Variants in HHAT observed in about 807,000 individuals in gnomAD.
HHAT encodes the protein hedgehog acyltransferase, also known as protein-cysteine N-palmitoyltransferase HHAT.
In HHAT, 47 loss-of-function variants were observed where a neutral mutation model predicts 70.8. The ratio of observed to expected loss-of-function variants is 0.66; its 90% confidence interval spans 0.53 to 0.85. The LOEUF is 0.85. HHAT is among the 40% of genes least tolerant of loss of function. The pLI, the probability that HHAT is intolerant of heterozygous loss-of-function variation, is 0.00. For missense variants in HHAT, 609 were observed against 604.8 expected, an observed-to-expected ratio of 1.01 and a Z score of -0.07; for synonymous variants, 228 against 247.6, an observed-to-expected ratio of 0.92 and a Z score of 0.74.
chr1:210,631,525 A>G (rs1034297672), intron 11 of HHAT, among the ~76,000 whole-genome samples: 1 of 152,246 alleles, frequency 6.6e-6, no homozygotes, highest in Non-Finnish European at 1.5e-5. Context: ...CTGACATTGC[A>G]TTAGATTGCT....
At chr1:210,606,277 A>G (rs1246558764) in intron 10 of HHAT, among the ~76,000 whole-genome samples, 1 of 152,066 alleles carries the variant, frequency 6.6e-6, no homozygotes, top group East Asian at 1.9e-4. Context: ...TTGTTAATTC[A>G]GCACTCAGCA....
chr1:210,351,976 C>G (rs2087069828), intron 2 of HHAT, among the ~76,000 whole-genome samples: 1 of 152,152 alleles, frequency 6.6e-6, no homozygotes, highest in African/African-American at 2.4e-5. Flanking sequence ...TTTCTCTCTT[C>G]TATAATGGGT....
intron 7 of HHAT, among the ~76,000 whole-genome samples, chr1:210,421,808 C>G (rs1572326606): frequency 6.6e-6 from 1 of 151,958 alleles, no homozygotes; most frequent in African/African-American, 2.4e-5. Context: ...GGATTTCTGT[C>G]TTTTTCTTGT....
chr1:210,407,361 C>A (rs1424704272), intron 6 of HHAT, among the ~76,000 whole-genome samples: 2 of 152,190 alleles, frequency 1.3e-5, no homozygotes, highest in Non-Finnish European at 2.9e-5. Flanking sequence ...CAGGTCAATG[C>A]ATAAAAATAA....
intron 11 of HHAT, among the ~76,000 whole-genome samples, chr1:210,653,305 G>T (rs1172875867): frequency 1.3e-5 from 2 of 152,150 alleles, no homozygotes; most frequent in African/African-American, 2.4e-5. Context: ...CACTTTGGGA[G>T]GCTGAGGCCG....
intron 7 of HHAT, among the ~76,000 whole-genome samples, chr1:210,433,412 T>TCATTTA (rs2093300946): frequency 6.6e-6 from 1 of 151,944 alleles, no homozygotes; most frequent in Admixed American, 6.5e-5. Flanking sequence ...TCATGCGTCG[T>TCATTTA]ACATTATTGC....
At chr1:210,448,280 C>T (rs1481233269) in intron 7 of HHAT, among the ~76,000 whole-genome samples, 2 of 151,986 alleles carry the variant, frequency 1.3e-5, no homozygotes, top group Non-Finnish European at 2.9e-5. Flanking sequence ...CGGGGTTTCA[C>T]TATGTTGGCC....
chr1:210,360,865 T>TTTTTA (rs1553324546), intron 2 of HHAT, among the ~76,000 whole-genome samples: 3 of 147,654 alleles, frequency 2.0e-5, no homozygotes, highest in African/African-American at 7.4e-5. Context: ...TTTTTTTTTT[T>TTTTTA]AACTTTGTGG....
At chr1:210,374,924 C>T (rs982540154) in intron 3 of HHAT, among the ~76,000 whole-genome samples, 2 of 151,926 alleles carry the variant, frequency 1.3e-5, no homozygotes, top group Admixed American at 6.6e-5. Context: ...TTTTTCAGGC[C>T]TTACCAGTCC....
At position 210,418,243 on chromosome 1, in the gene HHAT, C is replaced by T. The variant is rs146187564; in HGVS notation, c.774C>T (p.Ala258=). Residue 258 remains alanine (A), a synonymous_variant, in exon 7 of 12, where the codon GCC becomes GCT. Coordinates refer to ENST00000261458, the MANE Select transcript of HHAT (RefSeq NM_018194.6). ...GCCTTCTTTGCTGGTGGTGGCTGGCCGAGCTGATGGCTCACCTGATGTACA... is the reference window on the plus strand; with the variant it reads ...GCCTTCTTTGCTGGTGGTGGCTGGCTGAGCTGATGGCTCACCTGATGTACA... The part of the protein sequence containing the change: ...LGRLLCWWWL[A]ELMAHLMYMH... 638 of 1,613,936 alleles carry T rather than the reference C, an allele frequency of 4.0e-4. No individual in the cohort carries two copies. Among genetic ancestry groups the T allele is most frequent in the Non-Finnish European group, 4.9e-4 (575 of 1,179,950 alleles).
chr1:210,429,133 T>C (rs2093167299), intron 7 of HHAT, among the ~76,000 whole-genome samples: 1 of 151,904 alleles, frequency 6.6e-6, no homozygotes, highest in South Asian at 2.1e-4. Flanking sequence ...AAATTTTAAA[T>C]ATCTAGAATG....
rs184002075 is a variant in HHAT at position 210,580,067 on chromosome 1, C to T, written c.1044-7831C>T. On this transcript the variant is annotated intron_variant, in intron 9 of 11. Transcript: ENST00000261458. ...TGAATTTAATTTCTGTTTTATAAAC[C>T]CTACAATGTTCTGTTGCCAAAGAGG... 1.8e-4 allele frequency among the ~76,000 whole-genome samples: 27 copies of T among 152,090 alleles called. No homozygotes were observed. In the East Asian group the frequency reaches 4.2e-3, roughly 24 times the overall value.
chr1:210,518,033 A>G (rs2148597229), intron 9 of HHAT, among the ~76,000 whole-genome samples: 1 of 152,284 alleles, frequency 6.6e-6, no homozygotes, highest in South Asian at 2.1e-4. Context: ...ATGTTGTATA[A>G]TGATCAAATC....
chr1:210,329,362 C>A (rs991387491), intron 1 of HHAT: 116 of 1,184,238 alleles, frequency 9.8e-5, no homozygotes, highest in Admixed American at 4.5e-5. Flanking sequence ...GCCCTGCCCA[C>A]GTCCTCTCTC....
chr1:210,530,750 G>T (rs771093188), intron 9 of HHAT, among the ~76,000 whole-genome samples: 29 of 152,232 alleles, frequency 1.9e-4, no homozygotes, highest in Non-Finnish European at 4.0e-4. Context: ...GTGCTTCTAA[G>T]ACAGCATGTT....
intron 8 of HHAT, among the ~76,000 whole-genome samples, chr1:210,506,700 C>T (rs1257699119): frequency 6.6e-5 from 10 of 152,104 alleles, no homozygotes; most frequent in Admixed American, 2.0e-4. Context: ...ATTTTATGTA[C>T]TTACATAAAA....
chr1:210,631,261 T>G (rs1309745672), intron 11 of HHAT: 4 of 384,804 alleles, frequency 1.0e-5, no homozygotes, highest in African/African-American at 2.1e-5. Flanking sequence ...AACCACTGTT[T>G]ACACCATGAA....
intron 8 of HHAT, among the ~76,000 whole-genome samples, chr1:210,477,174 C>T (rs983283167): frequency 6.6e-6 from 1 of 151,992 alleles, no homozygotes; most frequent in Non-Finnish European, 1.5e-5. Context: ...TGGAGGGCAG[C>T]TCTTTGGAGG....
In HHAT at chr1:210,623,675, G is replaced by T; in HGVS notation, c.1390+5G>T. On this transcript the variant is annotated splice_donor_5th_base_variant and intron_variant, in intron 11 of 11. Coordinates refer to ENST00000261458, the MANE Select transcript of HHAT (RefSeq NM_018194.6). ...GGAATAGGATCTTCATACAAGGTAA[G>T]TTGCTTGACAGTGCTGTTTTCAGTC... The T allele has an allele frequency of 1.2e-6, 2 of 1,613,124 alleles. No individual in the cohort carries two copies. Among genetic ancestry groups the T allele is most frequent in the Non-Finnish European group, 1.7e-6 (2 of 1,179,352 alleles).
Sources: gnomAD v4.1 joint callset for allele counts (sites outside exome capture counted in the v4.1 genomes callset) on GRCh38, gnomAD v4.1.1 for gene constraint, MANE v1.5 for transcripts, NCBI Gene and HGNC (gene_info 2026-07-23, HGNC 2026-07-21) for gene names.